The following DPYD variants were observed in gnomAD, a reference collection of about 807,000 sequenced individuals.
DPYD encodes the protein dihydropyrimidine dehydrogenase [NADP(+)].
Under a neutral mutation model 116.2 loss-of-function variants are expected in DPYD, and 109 were observed. That is an observed-to-expected ratio of 0.94 (90% confidence interval 0.80 to 1.10). DPYD has a LOEUF of 1.10. Among genes scored for constraint, DPYD ranks in the 50% least tolerant of loss-of-function variants. DPYD has a pLI of 0.00. For synonymous variants in DPYD, 440 were observed against 432.0 expected (o/e 1.02, Z -0.23); for missense variants, 1,302 against 1,254.5 (o/e 1.04, Z -0.57).
intron 19 of DPYD, among the ~76,000 whole-genome samples, chr1:97,201,846 C>A (rs1659229019): frequency 6.6e-6 from 1 of 151,494 alleles, no homozygotes; most frequent in Admixed American, 6.6e-5. Context: ...TGTGGCAGTG[C>A]ATTGATTTAA....
At chr1:97,604,968 C>A (rs1388951919) in intron 8 of DPYD, among the ~76,000 whole-genome samples, 1 of 152,018 alleles carries the variant, frequency 6.6e-6, no homozygotes, top group East Asian at 1.9e-4. Context: ...TGACATTCTC[C>A]TAGGATCCTG....
chr1:97,419,657 TAAAAATATATTTTTTATACC>T (rs1315884847), intron 14 of DPYD, among the ~76,000 whole-genome samples: 1 of 152,186 alleles, frequency 6.6e-6, no homozygotes, highest in East Asian at 1.9e-4. Flanking sequence ...TGTATCTTTA[TAAAAATATATTTTTTATACC>T]AAAAAGATAA....
intron 8 of DPYD, among the ~76,000 whole-genome samples, chr1:97,647,242 A>G (rs1658315349): frequency 6.6e-6 from 1 of 152,050 alleles, no homozygotes. Context: ...TGTCCTTTCC[A>G]CCAATAAAAA....
intron 18 of DPYD, among the ~76,000 whole-genome samples, chr1:97,259,688 A>AATAATGATT (rs1485550498): frequency 6.6e-6 from 1 of 152,160 alleles, no homozygotes; most frequent in African/African-American, 2.4e-5. Flanking sequence ...AAAACTGTAC[A>AATAATGATT]ATAATGATTT....
chr1:97,819,775 A>G (rs1668823873), intron 3 of DPYD, among the ~76,000 whole-genome samples: 2 of 152,030 alleles, frequency 1.3e-5, no homozygotes, highest in Non-Finnish European at 2.9e-5. Flanking sequence ...AATTTCCTTA[A>G]ATCTTTGTAA....
intron 18 of DPYD, among the ~76,000 whole-genome samples, chr1:97,269,317 C>G (rs547266037): frequency 2.1e-4 from 32 of 152,262 alleles, no homozygotes; most frequent in African/African-American, 7.7e-4. Context: ...CTCCCTGTAG[C>G]TCTTGTCTTC....
chr1:97,642,738 G>A (rs1174277562), intron 8 of DPYD, among the ~76,000 whole-genome samples: 2 of 102,222 alleles, frequency 2.0e-5, no homozygotes, highest in African/African-American at 7.5e-5. Flanking sequence ...TTGTGGGGTG[G>A]GGGGAGGGGG....
intron 20 of DPYD, among the ~76,000 whole-genome samples, chr1:97,189,500 A>G (rs1658213471): frequency 6.6e-6 from 1 of 152,212 alleles, no homozygotes; most frequent in African/African-American, 2.4e-5. Context: ...TTTGTTGTTC[A>G]AATATCGGAC....
At chr1:97,596,368 C>A (rs1429846748) in intron 8 of DPYD, among the ~76,000 whole-genome samples, 1 of 152,010 alleles carries the variant, frequency 6.6e-6, no homozygotes, top group Non-Finnish European at 1.5e-5. Flanking sequence ...AAATTTTCTA[C>A]ATTGTACATA....
intron 13 of DPYD, among the ~76,000 whole-genome samples, chr1:97,453,565 A>G (rs925866888): frequency 6.6e-6 from 1 of 152,114 alleles, no homozygotes; most frequent in African/African-American, 2.4e-5. Context: ...CCTACTAATA[A>G]CCACAAAGCC....
intron 15 of DPYD, among the ~76,000 whole-genome samples, chr1:97,378,562 G>A (rs1393923833): frequency 6.6e-6 from 1 of 152,114 alleles, no homozygotes; most frequent in Non-Finnish European, 1.5e-5. Context: ...TCAGGTACCT[G>A]ACTTAAAATC....
At chr1:97,414,074 A>G (rs1053510994) in intron 14 of DPYD, among the ~76,000 whole-genome samples, 6 of 152,270 alleles carry the variant, frequency 3.9e-5, no homozygotes, top group Admixed American at 3.9e-4. Flanking sequence ...CACCTATGAG[A>G]CAAAACTACT....
intron 13 of DPYD, among the ~76,000 whole-genome samples, chr1:97,497,324 C>T (rs529717862): frequency 6.6e-6 from 1 of 151,984 alleles, no homozygotes; most frequent in South Asian, 2.1e-4. Flanking sequence ...GTAACACTTT[C>T]TTCCAACGGC....
chr1:97,272,684 A>G (rs1664667744), intron 18 of DPYD, among the ~76,000 whole-genome samples: 3 of 152,160 alleles, frequency 2.0e-5, no homozygotes, highest in Admixed American at 2.0e-4. Context: ...CTTTAAGTAG[A>G]TTAATGACAT....
intron 18 of DPYD, among the ~76,000 whole-genome samples, chr1:97,237,510 T>G (rs576141317): frequency 1.3e-5 from 2 of 152,274 alleles, no homozygotes; most frequent in Admixed American, 1.3e-4. Context: ...TTGGGCAAAT[T>G]AGAAACCGGA....
intron 3 of DPYD, among the ~76,000 whole-genome samples, chr1:97,799,612 T>A (rs998874965): frequency 6.6e-6 from 1 of 151,990 alleles, no homozygotes; most frequent in African/African-American, 2.4e-5. Flanking sequence ...TTCTTGAGAC[T>A]GTTACCTCAA....
intron 12 of DPYD, among the ~76,000 whole-genome samples, chr1:97,531,500 G>C (rs558430430): frequency 6.6e-5 from 10 of 152,078 alleles, no homozygotes; most frequent in Non-Finnish European, 1.5e-4. Flanking sequence ...CTACATGTTT[G>C]TTTTTATGCC....
At chr1:97,903,028 G>C (rs1416630167) in intron 1 of DPYD, among the ~76,000 whole-genome samples, 1 of 151,782 alleles carries the variant, frequency 6.6e-6, no homozygotes, top group Non-Finnish European at 1.5e-5. Context: ...TAAGGTTACT[G>C]GGCTGGCACA....
chr1:97,384,180 C>T (rs1236988057), intron 14 of DPYD, among the ~76,000 whole-genome samples: 1 of 150,576 alleles, frequency 6.6e-6, no homozygotes, highest in Non-Finnish European at 1.5e-5. Flanking sequence ...GTTGCAGAGT[C>T]TAGTGGTAAG....
Sources: gnomAD v4.1 joint callset for allele counts (sites outside exome capture counted in the v4.1 genomes callset) on GRCh38, gnomAD v4.1.1 for gene constraint, MANE v1.5 for transcripts, NCBI Gene and HGNC (gene_info 2026-07-23, HGNC 2026-07-21) for gene names.